EDA: variants seen among roughly 807,000 people sequenced by gnomAD.
The protein encoded by EDA is ectodysplasin A, also known as ectodysplasin-A.
In EDA, 2 loss-of-function variants were observed where a neutral mutation model predicts 23.6. That is an observed-to-expected ratio of 0.08 (90% confidence interval 0.03 to 0.27). The LOEUF (loss-of-function observed/expected upper bound fraction) is 0.27, where lower values mean the gene tolerates loss of function less well. Among genes scored for constraint, EDA ranks in the 10% least tolerant of loss-of-function variants. The pLI is 1.00. For synonymous variants in EDA, 131 were observed against 132.0 expected (o/e 0.99, Z 0.05); for missense variants, 229 against 324.2 (o/e 0.71, Z 2.26).
chrX:69,920,273 C>G (rs766089251), intron 1 of EDA, among the ~76,000 whole-genome samples: 9 of 111,012 alleles, frequency 8.1e-5, no homozygotes, highest in Non-Finnish European at 1.9e-5. Context: ...GGAGATAATA[C>G]AGAGTCCCCA....
chrX:69,728,918 C>A (rs1357383418), intron 1 of EDA, among the ~76,000 whole-genome samples: 1 of 110,752 alleles, frequency 9.0e-6, no homozygotes, highest in Non-Finnish European at 1.9e-5. Context: ...TAGAGTGTAC[C>A]CCCAATGGAG....
At chrX:69,705,667 T>A (rs1196124669) in intron 1 of EDA, among the ~76,000 whole-genome samples, 1 of 112,001 alleles carries the variant, frequency 8.9e-6, no homozygotes, top group African/African-American at 3.2e-5. Context: ...CTGGTTTGGG[T>A]CACTGAAATG....
At chrX:69,850,865 T>C (rs920718914) in intron 1 of EDA, among the ~76,000 whole-genome samples, 4 of 111,796 alleles carry the variant, frequency 3.6e-5, no homozygotes, top group African/African-American at 1.3e-4. Context: ...ATACTACATG[T>C]TATGCTTGGA....
At chrX:69,682,402 G>C (rs754167245) in intron 1 of EDA, among the ~76,000 whole-genome samples, 1 of 112,435 alleles carries the variant, frequency 8.9e-6, no homozygotes, top group Non-Finnish European at 1.9e-5. Flanking sequence ...GGGCAATGGC[G>C]GGCGCCCCTC....
chrX:69,857,124 A>C (rs753990141), intron 1 of EDA, among the ~76,000 whole-genome samples: 23 of 111,909 alleles, frequency 2.1e-4, no homozygotes, highest in Non-Finnish European at 4.0e-4. Context: ...GTTGTTGAAC[A>C]GGGTGTCATT....
intron 1 of EDA, among the ~76,000 whole-genome samples, chrX:69,707,769 C>T (rs1043346904): frequency 9.0e-6 from 1 of 111,347 alleles, no homozygotes; most frequent in Non-Finnish European, 1.9e-5. Flanking sequence ...CAGATGAACC[C>T]ATGATTTCCT....
At chrX:69,771,399 C>G (rs1350471398) in intron 1 of EDA, among the ~76,000 whole-genome samples, 2 of 111,139 alleles carry the variant, frequency 1.8e-5, no homozygotes, top group Non-Finnish European at 3.8e-5. Context: ...CTTGGATGAA[C>G]CTTGACAACA....
intron 1 of EDA, among the ~76,000 whole-genome samples, chrX:69,623,657 T>C (rs1424626447): frequency 1.9e-5 from 2 of 104,371 alleles, no homozygotes; most frequent in Non-Finnish European, 4.0e-5. Context: ...TCTAGGTATT[T>C]TCTTTTTTTT....
In EDA at chrX:69,820,124, A is replaced by G. The variant is rs368373628; in HGVS notation, c.397-136903A>G. ...AACCATTTGATCTTTGACAAACTTG[A>G]CAAAAACTAGCAATGGGAAAATGAC... On this transcript the variant is annotated intron_variant, in intron 1 of 7. Transcript: ENST00000374552. 3.6e-5 allele frequency among the ~76,000 whole-genome samples: 4 copies of G among 111,585 alleles called. No individual in the cohort carries two copies. In the East Asian group the frequency reaches 1.1e-3, roughly 31 times the overall value.
intron 2 of EDA, among the ~76,000 whole-genome samples, chrX:69,998,103 T>G (rs1392374497): frequency 9.0e-6 from 1 of 111,433 alleles, no homozygotes; most frequent in African/African-American, 3.3e-5. Flanking sequence ...GACCCCAGAA[T>G]GGTAGATCCA....
chrX:70,019,644 C>A (rs1021829376), intron 2 of EDA, among the ~76,000 whole-genome samples: 1 of 112,146 alleles, frequency 8.9e-6, no homozygotes, highest in Non-Finnish European at 1.9e-5. Flanking sequence ...AATGCAGGGA[C>A]AGAAAACCAA....
At chrX:69,836,431 C>A (rs889587884) in intron 1 of EDA, among the ~76,000 whole-genome samples, 2 of 112,519 alleles carry the variant, frequency 1.8e-5, no homozygotes, top group African/African-American at 6.5e-5. Flanking sequence ...CTACTCAAGC[C>A]TCAGCAATGG....
intron 1 of EDA, among the ~76,000 whole-genome samples, chrX:69,948,071 A>G (rs2018860149): frequency 9.0e-6 from 1 of 111,630 alleles, no homozygotes; most frequent in Non-Finnish European, 1.9e-5. Context: ...CTTACTACCT[A>G]TGGGGGAAGA....
chrX:69,893,470 C>T (rs753116403), intron 1 of EDA, among the ~76,000 whole-genome samples: 14 of 111,937 alleles, frequency 1.3e-4, no homozygotes, highest in Non-Finnish European at 2.6e-4. Context: ...TTTAGTTACT[C>T]CTCCAAAATC....
intron 1 of EDA, among the ~76,000 whole-genome samples, chrX:69,709,672 AT>A (rs1041348466): frequency 8.1e-5 from 9 of 110,671 alleles, no homozygotes; most frequent in Non-Finnish European, 1.5e-4. Context: ...TTTCAGCATT[AT>A]TTTTTTCTCT....
intron 1 of EDA, among the ~76,000 whole-genome samples, chrX:69,927,823 C>A (rs1437533932): frequency 9.0e-6 from 1 of 110,725 alleles, no homozygotes; most frequent in Non-Finnish European, 1.9e-5. Flanking sequence ...CATGTTGCCC[C>A]ATCTCTCCCC....
At chrX:69,989,648 T>C (rs2019554357) in intron 2 of EDA, among the ~76,000 whole-genome samples, 1 of 111,163 alleles carries the variant, frequency 9.0e-6, no homozygotes, top group Admixed American at 9.6e-5. Flanking sequence ...AATATATATA[T>C]AATCTCAGCA....
intron 2 of EDA, among the ~76,000 whole-genome samples, chrX:69,960,418 G>T (rs1258296712): frequency 1.8e-5 from 2 of 111,594 alleles, no homozygotes; most frequent in Non-Finnish European, 3.8e-5. Flanking sequence ...GCAAAGGAGA[G>T]AAGCAGTGTA....
intron 1 of EDA, among the ~76,000 whole-genome samples, chrX:69,949,788 T>C (rs903001789): frequency 2.7e-5 from 3 of 111,779 alleles, no homozygotes; most frequent in South Asian, 3.7e-4. Context: ...TAAGAGGCAA[T>C]TAGGCCATTA....
Sources: gnomAD v4.1 joint callset for allele counts (sites outside exome capture counted in the v4.1 genomes callset) on GRCh38, gnomAD v4.1.1 for gene constraint, MANE v1.5 for transcripts, NCBI Gene and HGNC (gene_info 2026-07-23, HGNC 2026-07-21) for gene names.